The following BLTP3B variants were observed in gnomAD, a reference collection of about 807,000 sequenced individuals.
The protein encoded by BLTP3B is UHRF1 (ICBP90) binding protein 1-like.
At chr12:100,140,704 CAAAAAAAAA>C in the BLTP3B span, among the ~76,000 whole-genome samples, 8 of 33,762 alleles carry the variant, frequency 2.4e-4, no homozygotes, top group African/African-American at 9.4e-4. Context: ...GACTCTGTCT[CAAAAAAAAA>C]AAAAAAAAAA....
At chr12:100,037,218 T>A in the BLTP3B span, 16 of 959,922 alleles carry the variant, frequency 1.7e-5, no homozygotes, top group Admixed American at 6.2e-5. Flanking sequence ...AGCATTTGAA[T>A]CTTTGTAAAT....
At chr12:100,037,132 ATAAT>A in the BLTP3B span, 1 of 882,868 alleles carries the variant, frequency 1.1e-6, no homozygotes, top group Non-Finnish European at 1.4e-6. Flanking sequence ...CAATAATTAA[ATAAT>A]TATAGATTTA....
At chr12:100,083,117 T>G in the BLTP3B span, 32 of 1,613,432 alleles carry the variant, frequency 2.0e-5, no homozygotes, top group Non-Finnish European at 2.5e-5. Context: ...CATGTCCCTT[T>G]CAGAGGGTAG....
At chr12:100,098,254 G>C in the BLTP3B span, 1 of 1,326,092 alleles carries the variant, frequency 7.5e-7, no homozygotes, top group Non-Finnish European at 1.0e-6. Flanking sequence ...ACAGAGAAAA[G>C]CAAAGTTAAA....
the BLTP3B span, chr12:100,058,617 G>C: frequency 1.9e-6 from 3 of 1,614,026 alleles, no homozygotes; most frequent in South Asian, 3.3e-5. Context: ...CACACTTTCA[G>C]AAACAGGAGA....
At chr12:100,039,459 C>A in the BLTP3B span, 2 of 888,308 alleles carry the variant, frequency 2.3e-6, no homozygotes, top group South Asian at 2.2e-5. Context: ...AACCATAGCA[C>A]CTAGCAAAGC....
the BLTP3B span, among the ~76,000 whole-genome samples, chr12:100,067,881 T>C: frequency 6.6e-6 from 1 of 152,164 alleles, no homozygotes; most frequent in Non-Finnish European, 1.5e-5. Context: ...ATCCCAATGC[T>C]CATTGATGGG....
the BLTP3B span, among the ~76,000 whole-genome samples, chr12:100,093,551 T>C: frequency 1.3e-5 from 2 of 152,230 alleles, no homozygotes; most frequent in African/African-American, 4.8e-5. Flanking sequence ...CTCTATCTTG[T>C]TTCCCAGAGG....
chr12:100,132,156 A>G, the BLTP3B span, among the ~76,000 whole-genome samples: 1 of 152,248 alleles, frequency 6.6e-6, no homozygotes, highest in Non-Finnish European at 1.5e-5. Context: ...AACACATGTA[A>G]TTGATAAGAG....
the BLTP3B span, among the ~76,000 whole-genome samples, chr12:100,117,280 T>C: frequency 1.3e-5 from 2 of 152,152 alleles, no homozygotes; most frequent in African/African-American, 4.8e-5. Flanking sequence ...AAATGCTACA[T>C]CAGCCAGGTT....
chr12:100,122,876 C>A, the BLTP3B span, among the ~76,000 whole-genome samples: 11 of 152,174 alleles, frequency 7.2e-5, no homozygotes, highest in Non-Finnish European at 1.5e-4. Flanking sequence ...CTAGAGAAGG[C>A]CAAACTTTCT....
chr12:100,083,941 C>A, the BLTP3B span, among the ~76,000 whole-genome samples: 1 of 152,272 alleles, frequency 6.6e-6, no homozygotes, highest in Admixed American at 6.5e-5. Context: ...GTAATCCCAG[C>A]ACTTTGGGAG....
chr12:100,057,470 C>G, the BLTP3B span: 9 of 814,726 alleles, frequency 1.1e-5, no homozygotes, highest in Non-Finnish European at 1.6e-5. Context: ...CTTTAAAAAG[C>G]ATGGGTACAG....
the BLTP3B span, among the ~76,000 whole-genome samples, chr12:100,042,122 T>C: frequency 5.3e-5 from 8 of 152,266 alleles, no homozygotes; most frequent in Non-Finnish European, 1.2e-4. Context: ...TCTAAATAGA[T>C]GGAAAAAATT....
the BLTP3B span, among the ~76,000 whole-genome samples, chr12:100,078,012 TGGG>T: frequency 2.6e-5 from 4 of 152,174 alleles, no homozygotes; most frequent in African/African-American, 9.7e-5. Context: ...ACCCTGCTCC[TGGG>T]AAGCAACTAG....
At chr12:100,142,496 C>T in the BLTP3B span, 1 of 1,389,332 alleles carries the variant, frequency 7.2e-7, no homozygotes, top group Admixed American at 2.0e-5. Flanking sequence ...GCCTCCCGCA[C>T]AGCCGCCAGG....
chr12:100,050,254 G>C, the BLTP3B span: 10 of 1,611,362 alleles, frequency 6.2e-6, no homozygotes, highest in Admixed American at 1.7e-5. Flanking sequence ...ACAGATTTCT[G>C]TATCTTCCCC....
the BLTP3B span, chr12:100,095,664 T>TAA: frequency 6.2e-7 from 1 of 1,603,036 alleles, no homozygotes; most frequent in Non-Finnish European, 8.5e-7. Flanking sequence ...CTTTATAGCT[T>TAA]ACCTGTGTAG....
chr12:100,048,200 A>G, the BLTP3B span: 1 of 1,575,490 alleles, frequency 6.3e-7, no homozygotes, highest in Non-Finnish European at 8.6e-7. Flanking sequence ...TCGGAACCTA[A>G]GGAAAATGAA....
Sources: allele counts gnomAD v4.1 joint callset (sites outside exome capture counted in the v4.1 genomes callset), GRCh38; gene constraint gnomAD v4.1.1; transcripts MANE v1.5; gene names NCBI Gene and HGNC (gene_info 2026-07-23, HGNC 2026-07-21).